ZRANB1: variants seen among roughly 807,000 people sequenced by gnomAD.
ZRANB1 encodes ubiquitin thioesterase ZRANB1.
ZRANB1 carries 16 observed loss-of-function variants against 80.5 expected under a neutral mutation model. The observed-to-expected ratio is 0.20, with a 90% confidence interval of 0.13 to 0.30. The LOEUF (loss-of-function observed/expected upper bound fraction) is 0.30, where lower values mean the gene tolerates loss of function less well. Ranked by LOEUF, ZRANB1 falls within the 10% of genes least tolerant of loss-of-function variation. The pLI is 1.00. For missense variants in ZRANB1, 576 were observed against 862.6 expected (o/e 0.67, Z 4.16); for synonymous variants, 291 against 293.1 (o/e 0.99, Z 0.07).
intron 3 of ZRANB1, 32 bp from the exon 4 acceptor site, chr10:124,973,613 A>G (rs1951846884): frequency 6.3e-7 from 1 of 1,581,964 alleles, no homozygotes; most frequent in Middle Eastern, 1.7e-4. Flanking sequence ...TTATGAAACA[A>G]AAGATCTTTT....
At chr10:124,970,409 C>T (rs188348036) in intron 2 of ZRANB1, among the ~76,000 whole-genome samples, 1 of 152,096 alleles carries the variant, frequency 6.6e-6, no homozygotes, top group Non-Finnish European at 1.5e-5. Context: ...CTGGTGCATG[C>T]CACTAATGCC....
At chr10:124,926,064 T>C in the ZRANB1 span, among the ~76,000 whole-genome samples, 17 of 152,188 alleles carry the variant, frequency 1.1e-4, no homozygotes, top group Non-Finnish European at 4.4e-5. Context: ...AACATAAACA[T>C]AGAAAAAGCA....
the ZRANB1 span, among the ~76,000 whole-genome samples, chr10:124,931,631 A>G: frequency 6.6e-6 from 1 of 152,090 alleles, no homozygotes; most frequent in Non-Finnish European, 1.5e-5. Flanking sequence ...TCAGCCTCCC[A>G]AAATGCTGGG....
chr10:124,968,424 G>A (rs756412503), intron 2 of ZRANB1, among the ~76,000 whole-genome samples: 2 of 151,860 alleles, frequency 1.3e-5, no homozygotes, highest in Non-Finnish European at 2.9e-5. Context: ...GTCCAGTTTG[G>A]TAAGATTCCA....
intron 1 of ZRANB1, among the ~76,000 whole-genome samples, chr10:124,956,601 T>C (rs1951689225): frequency 6.6e-6 from 1 of 152,192 alleles, no homozygotes; most frequent in Non-Finnish European, 1.5e-5. Flanking sequence ...CCCAAGTAGC[T>C]GGGACTATAG....
Position 124,942,245 on chromosome 10 carries a change from A to C in ZRANB1, c.-249A>C, listed in dbSNP as rs989556600. 3.0e-6 allele frequency: 4 copies of C among 1,314,974 alleles called. No individual in the cohort carries two copies. 81.5% of individuals were successfully genotyped at this position (1,314,974 alleles called of 1,614,324 possible). ...TTGCATTCCAAAGTTCAGTTTTATT[A>C]AATCCCAGGGTCTAAGATTTTTTCT... On this transcript the variant is annotated 5_prime_UTR_variant, in exon 1 of 9. Transcript: ENST00000359653.
At chr10:124,984,752 T>C in intron 8 of ZRANB1, 22 bp from the exon 9 acceptor site, 1 of 1,608,126 alleles carries the variant, frequency 6.2e-7, no homozygotes, top group African/African-American at 1.3e-5. Context: ...ATTTTCCCTT[T>C]GTCTTCATAT....
chr10:124,924,315 G>T, the ZRANB1 span, among the ~76,000 whole-genome samples: 1 of 147,988 alleles, frequency 6.8e-6, no homozygotes. Flanking sequence ...AAAAAAAGCA[G>T]CTTCATTGAG....
intron 1 of ZRANB1, among the ~76,000 whole-genome samples, chr10:124,962,822 A>G (rs1469856051): frequency 6.6e-6 from 1 of 152,212 alleles, no homozygotes; most frequent in Non-Finnish European, 1.5e-5. Context: ...CATTTCATTC[A>G]ATTTTGAATG....
At chr10:124,939,535 A>G (rs1951516767), upstream of ZRANB1, among the ~76,000 whole-genome samples, 1 of 152,158 alleles carries the variant, frequency 6.6e-6, no homozygotes, top group South Asian at 2.1e-4. Context: ...GTGCCAGCAT[A>G]TTAGTTACAT....
Position 124,983,108 on chromosome 10 carries a change from G to GT in ZRANB1, c.1549-61dup. On this transcript the variant is annotated intron_variant, in intron 6 of 8. Transcript: ENST00000359653. The surrounding 1 kb of genome is among the most constrained non-coding windows in gnomAD (Gnocchi z 6.2). ...AGTATACTGAAGGGGAGGTAGTATT[G>GT]TTTTTTACACATCAGTTTTCCAGGA... The GT allele has an allele frequency of 1.3e-6, 2 of 1,536,936 alleles. No homozygotes were observed. The highest frequency in any genetic ancestry group is 1.8e-6 in the Non-Finnish European group (2 of 1,141,200).
intron 1 of ZRANB1, among the ~76,000 whole-genome samples, chr10:124,963,537 GTTTTTTTTTTTTGTTTGTTTTTTTTT>G (rs1951751516): frequency 1.1e-5 from 1 of 93,476 alleles, no homozygotes; most frequent in Non-Finnish European, 2.3e-5. Flanking sequence ...ATATTGTAAG[GTTTTTTTTTTTTGTTTGTTTTTTTTT>G]TTTTTTTTTT....
the ZRANB1 span, among the ~76,000 whole-genome samples, chr10:124,926,913 C>G: frequency 6.6e-6 from 1 of 152,172 alleles, no homozygotes; most frequent in African/African-American, 2.4e-5. Context: ...CATATACAGT[C>G]TGTCTTCGAT....
chr10:124,919,550 A>G, the ZRANB1 span, among the ~76,000 whole-genome samples: 2 of 151,680 alleles, frequency 1.3e-5, no homozygotes, highest in African/African-American at 4.8e-5. Context: ...CCATTTCAAA[A>G]CAAAACAAAA....
chr10:124,955,019 CT>C (rs1197270550), intron 1 of ZRANB1, among the ~76,000 whole-genome samples: 1 of 150,854 alleles, frequency 6.6e-6, no homozygotes, highest in Non-Finnish European at 1.5e-5. Flanking sequence ...GTCCCAGCTA[CT>C]CTGGAGGCCG....
At chr10:124,965,055 T>C (rs1269830196) in intron 1 of ZRANB1, among the ~76,000 whole-genome samples, 5 of 152,256 alleles carry the variant, frequency 3.3e-5, no homozygotes, top group Non-Finnish European at 1.5e-5. Flanking sequence ...AGTAGCACTT[T>C]CTGGTCTATT....
intron 2 of ZRANB1, among the ~76,000 whole-genome samples, chr10:124,967,523 C>T (rs1322544867): frequency 6.6e-6 from 1 of 152,144 alleles, no homozygotes; most frequent in East Asian, 1.9e-4. Flanking sequence ...TCCCTAGGCA[C>T]TGGATGGTGT....
At chr10:124,955,472 A>G (rs1274583701) in intron 1 of ZRANB1, among the ~76,000 whole-genome samples, 1 of 152,120 alleles carries the variant, frequency 6.6e-6, no homozygotes, top group African/African-American at 2.4e-5. Flanking sequence ...GCATCCGTAA[A>G]AGGAAAGTGA....
At chr10:124,943,921 T>C (rs1008635474) in intron 1 of ZRANB1, among the ~76,000 whole-genome samples, 2 of 152,198 alleles carry the variant, frequency 1.3e-5, no homozygotes, top group Non-Finnish European at 2.9e-5. Flanking sequence ...CTCCAAGAAG[T>C]TGAACAAACA....
Sources: allele counts gnomAD v4.1 joint callset (sites outside exome capture counted in the v4.1 genomes callset), GRCh38; gene constraint gnomAD v4.1.1; non-coding constraint Gnocchi (gnomAD v3.1); transcripts MANE v1.5; gene names NCBI Gene and HGNC (gene_info 2026-07-23, HGNC 2026-07-21).